Variants in TBC1D19 observed in about 807,000 individuals in gnomAD.
The protein encoded by TBC1D19 is TBC1 domain family member 19, also known as TBC1 domain family, member 19.
TBC1D19 carries 60 observed loss-of-function variants against 89.0 expected under a neutral mutation model. The ratio of observed to expected loss-of-function variants is 0.67; its 90% CI spans 0.55 to 0.84. The LOEUF is 0.84. Among genes scored for constraint, TBC1D19 ranks in the 40% least tolerant of loss-of-function variants. TBC1D19 has a pLI of 0.00. For missense variants in TBC1D19, 500 were observed against 610.8 expected, an observed-to-expected ratio of 0.82 and a Z score of 1.91; for synonymous variants, 189 against 199.7, an observed-to-expected ratio of 0.95 and a Z score of 0.45.
At chr4:26,826,875 C>G in the TBC1D19 span, among the ~76,000 whole-genome samples, 11 of 152,266 alleles carry the variant, frequency 7.2e-5, no homozygotes, top group Middle Eastern at 3.4e-3. Flanking sequence ...TAAACCCTTC[C>G]AGAAATAATA....
intron 7 of TBC1D19, among the ~76,000 whole-genome samples, chr4:26,649,819 G>C (rs1369233825): frequency 6.6e-6 from 1 of 151,556 alleles, no homozygotes; most frequent in Non-Finnish European, 1.5e-5. Context: ...CCATTAACTC[G>C]TCATTTAACA....
intron 1 of TBC1D19, among the ~76,000 whole-genome samples, chr4:26,597,466 T>C (rs928847715): frequency 9.9e-5 from 15 of 151,968 alleles, no homozygotes; most frequent in African/African-American, 3.1e-4. Flanking sequence ...GTATTTAATG[T>C]ATATCTTGTA....
chr4:26,694,201 A>T (rs975160135), intron 13 of TBC1D19, among the ~76,000 whole-genome samples: 3 of 152,068 alleles, frequency 2.0e-5, no homozygotes, highest in African/African-American at 7.2e-5. Context: ...TCCCACCCTA[A>T]TACTGCACTT....
chr4:26,810,010 G>C, the TBC1D19 span, among the ~76,000 whole-genome samples: 1 of 152,212 alleles, frequency 6.6e-6, no homozygotes, highest in Non-Finnish European at 1.5e-5. Context: ...AGCGCTCTCT[G>C]CCTGTGTGTT....
At chr4:26,762,777 A>AGTCACAGAGGGATTTGAAGGT in the TBC1D19 span, among the ~76,000 whole-genome samples, 1 of 152,150 alleles carries the variant, frequency 6.6e-6, no homozygotes. Flanking sequence ...GGAGGGTATG[A>AGTCACAGAGGGATTTGAAGGT]GTCACAGAGG....
the TBC1D19 span, among the ~76,000 whole-genome samples, chr4:26,799,847 T>C: frequency 1.3e-5 from 2 of 152,014 alleles, no homozygotes; most frequent in Non-Finnish European, 2.9e-5. Flanking sequence ...CGGAATAAGA[T>C]GCTAAGGCAA....
intron 7 of TBC1D19, among the ~76,000 whole-genome samples, chr4:26,642,453 T>A (rs1262581190): frequency 1.3e-5 from 2 of 152,090 alleles, no homozygotes; most frequent in African/African-American, 4.8e-5. Flanking sequence ...AAGGAACAAC[T>A]GGTACCAGCC....
the TBC1D19 span, among the ~76,000 whole-genome samples, chr4:26,836,003 C>CTCTA: frequency 1.3e-5 from 2 of 151,338 alleles, no homozygotes; most frequent in Admixed American, 6.6e-5. Flanking sequence ...CTCTCTCTCT[C>CTCTA]TCTATCACTT....
intron 9 of TBC1D19, among the ~76,000 whole-genome samples, chr4:26,667,535 C>T (rs1711918691): frequency 6.6e-6 from 1 of 152,002 alleles, no homozygotes; most frequent in Non-Finnish European, 1.5e-5. Flanking sequence ...GTTTATAGAT[C>T]ATTTGCTTTC....
the TBC1D19 span, among the ~76,000 whole-genome samples, chr4:26,839,321 C>G: frequency 6.6e-6 from 1 of 152,094 alleles, no homozygotes; most frequent in Non-Finnish European, 1.5e-5. Flanking sequence ...TTTCTAACCA[C>G]CAATTCCAAC....
intron 9 of TBC1D19, among the ~76,000 whole-genome samples, chr4:26,670,138 G>A (rs1181855850): frequency 6.6e-6 from 1 of 151,346 alleles, no homozygotes; most frequent in Non-Finnish European, 1.5e-5. Flanking sequence ...GTCTGCTTTG[G>A]TCACTAAGTC....
the TBC1D19 span, among the ~76,000 whole-genome samples, chr4:26,815,530 C>A: frequency 6.6e-6 from 1 of 152,226 alleles, no homozygotes; most frequent in Admixed American, 6.5e-5. Context: ...ATAACTGATA[C>A]TCTTGACCTC....
the TBC1D19 span, among the ~76,000 whole-genome samples, chr4:26,812,380 G>A: frequency 6.6e-6 from 1 of 152,296 alleles, no homozygotes; most frequent in African/African-American, 2.4e-5. This position sits in a 1 kb window ranked among gnomAD's most constrained non-coding sequence, Gnocchi z 4.2. Flanking sequence ...GACCAGGAAT[G>A]CCTGCCAACG....
At chr4:26,657,301 G>A (rs552256801) in intron 7 of TBC1D19, among the ~76,000 whole-genome samples, 11 of 151,842 alleles carry the variant, frequency 7.2e-5, no homozygotes, top group African/African-American at 2.4e-4. Flanking sequence ...TGTTTTCATT[G>A]TTCAACTCTC....
At chr4:26,834,021 C>T in the TBC1D19 span, among the ~76,000 whole-genome samples, 272 of 152,282 alleles carry the variant, frequency 1.8e-3, 1 homozygote, top group Middle Eastern at 3.4e-3. Flanking sequence ...AGAGTTACCC[C>T]TGTTGTTCTC....
downstream of TBC1D19, among the ~76,000 whole-genome samples, chr4:26,759,358 C>CT (rs1719382944): frequency 6.6e-6 from 1 of 152,018 alleles, no homozygotes; most frequent in South Asian, 2.1e-4. Context: ...GCGGAGTTGC[C>CT]TTTGGAAGTC....
chr4:26,849,074 G>A, the TBC1D19 span, among the ~76,000 whole-genome samples: 1 of 152,102 alleles, frequency 6.6e-6, no homozygotes, highest in Non-Finnish European at 1.5e-5. Flanking sequence ...TCAGGAGGCT[G>A]AGGAGGTGGG....
chr4:26,780,026 C>T, the TBC1D19 span, among the ~76,000 whole-genome samples: 1 of 152,204 alleles, frequency 6.6e-6, no homozygotes. Context: ...AAGGAATCCT[C>T]AACAGCCTTA....
intron 13 of TBC1D19, among the ~76,000 whole-genome samples, chr4:26,715,711 G>A (rs1380897919): frequency 6.6e-6 from 1 of 152,022 alleles, no homozygotes; most frequent in East Asian, 1.9e-4. Flanking sequence ...CAGGAAAAGG[G>A]TGTGACCTTG....
Sources: allele counts gnomAD v4.1 joint callset (sites outside exome capture counted in the v4.1 genomes callset), GRCh38; gene constraint gnomAD v4.1.1; non-coding constraint Gnocchi (gnomAD v3.1); transcripts MANE v1.5; gene names NCBI Gene and HGNC (gene_info 2026-07-23, HGNC 2026-07-21).